The following KIR3DL1 variants were observed in gnomAD, a reference collection of about 807,000 sequenced individuals.
KIR3DL1 encodes killer cell immunoglobulin-like receptor 3DL1.
KIR3DL1 carries 50 observed loss-of-function variants against 40.3 expected under a neutral mutation model. The observed-to-expected ratio is 1.24, with a 90% CI of 0.99 to 1.57. KIR3DL1 has a LOEUF of 1.57. Ranked by LOEUF, KIR3DL1 falls within the 40% of genes most tolerant of loss-of-function variation. The pLI is 0.00. For synonymous variants in KIR3DL1, 257 were observed against 207.2 expected (o/e 1.24, Z -2.07); for missense variants, 661 against 559.9 (o/e 1.18, Z -1.82).
At chr19:54,821,515 G>A in intron 4 of KIR3DL1, 50 bp from the exon 5 acceptor site, 1 of 1,567,444 alleles carries the variant, frequency 6.4e-7, no homozygotes. Flanking sequence ...TATGAGGGGA[G>A]CTATGACAAG....
rs368641246 is a variant in KIR3DL1, at chr19:54,828,542, C to T, written c.1001-819C>T. Among the ~76,000 whole-genome samples the T allele has an allele frequency of 9.3e-5, 14 of 151,134 alleles. No homozygotes were observed. The South Asian group carries it at 2.9e-3, about 32-fold the overall frequency. On this transcript the variant is annotated intron_variant, in intron 6 of 8. Coordinates refer to ENST00000391728, the Ensembl canonical transcript of KIR3DL1. ...CAAGGCTCAGAAAAGCTGCTCGAGA[C>T]ATGTGGAGTCACCCCATTTGCAGTG...
At chr19:54,818,747 G>T in intron 3 of KIR3DL1, 148 bp downstream of exon 3, 5 of 1,080,184 alleles carry the variant, frequency 4.6e-6, no homozygotes, top group Non-Finnish European at 6.6e-6. Flanking sequence ...GGGTGCTGTG[G>T]TGGGAAGAAT....
intron 1 of KIR3DL1, among the ~76,000 whole-genome samples, chr19:54,817,290 A>G (rs2061397175): frequency 7.0e-6 from 1 of 143,246 alleles, no homozygotes. Flanking sequence ...TGGAGTGGAG[A>G]TACGGACCTG....
intron 6 of KIR3DL1, among the ~76,000 whole-genome samples, chr19:54,828,801 C>A (rs149323907): frequency 0.048 from 6,194 of 129,556 alleles, 437 homozygotes; most frequent in East Asian, 0.11. Flanking sequence ...GTTTGCCTCA[C>A]CGTTCTGCAG....
intron 6 of KIR3DL1, among the ~76,000 whole-genome samples, chr19:54,826,055 T>C (rs1261240560): frequency 1.3e-5 from 2 of 151,232 alleles, no homozygotes; most frequent in Middle Eastern, 3.2e-3. Context: ...CTAGCAACCG[T>C]AATTCCATCT....
In KIR3DL1 at chr19:54,830,371, G is replaced by A. The variant is rs1265342791; in HGVS notation, c.*96G>A. The A allele has an allele frequency of 4.5e-6, 6 of 1,326,936 alleles. 2 individuals are homozygous for A. The highest frequency in any genetic ancestry group is 6.3e-6 in the Non-Finnish European group (6 of 945,910). 82.2% of individuals were successfully genotyped at this position (1,326,936 alleles called of 1,614,324 possible). ...TCCCATGTACCAGCAGCTGGAATCT[G>A]AAGGCGTGAGTCTTCATCTTAGGGC... On this transcript the variant is annotated 3_prime_UTR_variant, in exon 9 of 9. Transcript: ENST00000391728.
Position 54,825,092 on chromosome 19 carries a change from C to G in KIR3DL1, c.1000+14C>G. On this transcript the variant is annotated intron_variant, in intron 6 of 8. Coordinates refer to ENST00000391728, the Ensembl canonical transcript of KIR3DL1. Reference sequence around the variant, plus strand: ...GCTCCAAATCTGGTGAGTAAAGGACCCCTCTTATCTCTGCTTTTGGAAACC... The same window carrying G: ...GCTCCAAATCTGGTGAGTAAAGGACGCCTCTTATCTCTGCTTTTGGAAACC... 1 of 1,488,354 alleles carries G rather than the reference C, an allele frequency of 6.7e-7. No homozygotes were observed. Among genetic ancestry groups the G allele is most frequent in the Non-Finnish European group, 9.3e-7 (1 of 1,070,078 alleles). 92.2% of individuals were successfully genotyped at this position (1,488,354 alleles called of 1,614,324 possible).
At chr19:54,827,828 C>G (rs4806572) in intron 6 of KIR3DL1, among the ~76,000 whole-genome samples, 6,644 of 150,458 alleles carry the variant, frequency 0.044, 394 homozygotes, top group East Asian at 0.09. Flanking sequence ...AATCCTCCAG[C>G]ACAAATCCTG....
chr19:54,818,199 G>T lies in KIR3DL1; in HGVS notation c.71-116G>T, dbSNP rs188808989. ...GGATGGGTCCTTCCTGTAGCCCTGGGCACCCAGGTGTGGTAGGAGCCTTAG... is the reference window on the plus strand; with the variant it reads ...GGATGGGTCCTTCCTGTAGCCCTGGTCACCCAGGTGTGGTAGGAGCCTTAG... On this transcript the variant is annotated intron_variant, in intron 2 of 8. Transcript: ENST00000391728. The T allele has an allele frequency of 2.0e-3, 2,219 of 1,122,946 alleles. 23 individuals carry two copies. Among genetic ancestry groups the T allele is most frequent in the Non-Finnish European group, 2.4e-3 (1,900 of 791,876 alleles). 69.6% of individuals were successfully genotyped at this position (1,122,946 alleles called of 1,614,324 possible).
intron 2 of KIR3DL1, 115 bp from the exon 3 acceptor site, chr19:54,818,200 C>A: frequency 1.8e-6 from 2 of 1,132,066 alleles, no homozygotes; most frequent in Non-Finnish European, 1.3e-6. Context: ...TAGCCCTGGG[C>A]ACCCAGGTGT....
intron 4 of KIR3DL1, among the ~76,000 whole-genome samples, chr19:54,820,835 C>T (rs1266885685): frequency 8.0e-5 from 12 of 150,936 alleles, no homozygotes; most frequent in African/African-American, 2.9e-4. Flanking sequence ...GGATGGATTG[C>T]AGAGATTCCA....
intron 5 of KIR3DL1, among the ~76,000 whole-genome samples, chr19:54,822,090 C>A (rs1911760445): frequency 6.6e-6 from 1 of 151,030 alleles, no homozygotes; most frequent in African/African-American, 2.5e-5. Flanking sequence ...AGAAAGCGGT[C>A]AGGACAGACC....
At position 54,818,269 on chromosome 19, in the gene KIR3DL1, C is replaced by T. The variant is rs534073652; in HGVS notation, c.71-46C>T. 1.4e-4 allele frequency: 222 copies of T among 1,557,966 alleles called. 3 individuals are homozygous for T. The East Asian group carries it at 3.9e-3, about 28-fold the overall frequency. On this transcript the variant is annotated intron_variant, in intron 2 of 8. Transcript: ENST00000391728. ...TCTTCTGGGCACTGGGAGTGAGGGG[C>T]GGCTCCACATCCTCCTCTCTAAGGC...
chr19:54,825,356 T>G (rs638584), intron 6 of KIR3DL1, among the ~76,000 whole-genome samples: 27,841 of 148,720 alleles, frequency 0.19, 3,105 homozygotes, highest in South Asian at 0.32. Context: ...TGTTTTTTCT[T>G]CCTGCATTCC....
exon 3 of KIR3DL1, chr19:54,818,315 G>C: frequency 6.3e-7 from 1 of 1,597,520 alleles, no homozygotes; most frequent in South Asian, 1.1e-5. Flanking sequence ...TCTCCCCCAG[G>C]TGGTCAGGAC....
intron 6 of KIR3DL1, among the ~76,000 whole-genome samples, chr19:54,826,835 A>G (rs2061920663): frequency 6.6e-6 from 1 of 151,430 alleles, no homozygotes; most frequent in South Asian, 2.1e-4. Flanking sequence ...AATGCTGGGA[A>G]TGAGGTGGGG....
chr19:54,821,027 C>G (rs1313000470), intron 4 of KIR3DL1, among the ~76,000 whole-genome samples: 1 of 145,216 alleles, frequency 6.9e-6, no homozygotes, highest in African/African-American at 2.5e-5. Flanking sequence ...ATGATAGACA[C>G]ATAGATATAT....
At chr19:54,821,367 T>A (rs1453388162) in intron 4 of KIR3DL1, among the ~76,000 whole-genome samples, 198 bp from the exon 5 acceptor site, 1 of 149,404 alleles carries the variant, frequency 6.7e-6, no homozygotes, top group African/African-American at 2.5e-5. Flanking sequence ...TACCTCAGGG[T>A]GGGGAAGTGA....
exon 5 of KIR3DL1, chr19:54,821,703 G>T (rs1338286004): frequency 1.6e-5 from 25 of 1,609,298 alleles, no homozygotes; most frequent in Non-Finnish European, 2.0e-5. Context: ...CATGAACGTA[G>T]GCTCCCTGCA....
Sources: gnomAD v4.1 joint callset for allele counts (sites outside exome capture counted in the v4.1 genomes callset) on GRCh38, gnomAD v4.1.1 for gene constraint, MANE v1.5 for transcripts, NCBI Gene and HGNC (gene_info 2026-07-23, HGNC 2026-07-21) for gene names.